FGF13: variants seen among roughly 807,000 people sequenced by gnomAD.
FGF13 encodes the protein fibroblast growth factor 13.
A neutral mutation model predicts 19.5 loss-of-function variants in FGF13; 2 were observed. That is an observed-to-expected ratio of 0.10 (90% CI 0.04 to 0.32). The LOEUF is 0.32. FGF13 is among the 10% of genes least tolerant of loss of function. The probability of loss-of-function intolerance (pLI) is 1.00; values close to 1 mark genes in which losing one functional copy is unlikely to be tolerated. For missense variants in FGF13, 113 were observed against 192.7 expected, an observed-to-expected ratio of 0.59 and a Z score of 2.45; for synonymous variants, 72 against 76.9, an observed-to-expected ratio of 0.94 and a Z score of 0.33.
At chrX:139,167,996 A>G (rs1286020835) in intron 1 of FGF13, among the ~76,000 whole-genome samples, 1 of 112,185 alleles carries the variant, frequency 8.9e-6, no homozygotes, top group Non-Finnish European at 1.9e-5. Flanking sequence ...CAAATATAAG[A>G]CTCTGGAGTT....
intron 1 of FGF13, among the ~76,000 whole-genome samples, chrX:138,721,761 T>TG (rs1053020009): frequency 9.1e-5 from 10 of 110,334 alleles, no homozygotes; most frequent in African/African-American, 3.3e-4. Flanking sequence ...TAATATTTTA[T>TG]GAATGGCATA....
intron 1 of FGF13, among the ~76,000 whole-genome samples, chrX:138,963,227 A>C (rs2091882080): frequency 8.8e-6 from 1 of 113,221 alleles, no homozygotes; most frequent in African/African-American, 3.2e-5. Context: ...ACTCCTGGCA[A>C]GACCCTCTGA....
chrX:138,683,258 G>A (rs2089746522), intron 3 of FGF13, among the ~76,000 whole-genome samples: 1 of 111,019 alleles, frequency 9.0e-6, no homozygotes, highest in Non-Finnish European at 1.9e-5. Context: ...TAAGATCAAT[G>A]ATTCCAAGTT....
intron 1 of FGF13, among the ~76,000 whole-genome samples, chrX:139,085,530 G>A (rs1445833569): frequency 8.9e-6 from 1 of 112,151 alleles, no homozygotes; most frequent in Non-Finnish European, 1.9e-5. Flanking sequence ...GCCACCCAAA[G>A]TGTGTTTGCA....
At chrX:139,115,085 G>C (rs184783627) in intron 1 of FGF13, among the ~76,000 whole-genome samples, 119 of 111,614 alleles carry the variant, frequency 1.1e-3, no homozygotes, top group Non-Finnish European at 1.8e-3. Flanking sequence ...ATGTCAACCT[G>C]AAAACTCAAC....
chrX:138,738,886 T>G (rs1158633452), intron 1 of FGF13, among the ~76,000 whole-genome samples: 1 of 112,057 alleles, frequency 8.9e-6, no homozygotes, highest in East Asian at 2.8e-4. Flanking sequence ...GCTGTATGCA[T>G]AGAATAAATG....
At chrX:139,204,162 G>A (rs1186897505), upstream of FGF13, 16 of 1,121,122 alleles carry the variant, frequency 1.4e-5, no homozygotes, top group South Asian at 3.7e-5. Context: ...CTCGCCGAGC[G>A]GGTCGGACTT....
chrX:138,659,906 T>C (rs58825903), intron 3 of FGF13, among the ~76,000 whole-genome samples: 4,042 of 109,972 alleles, frequency 0.037, 152 homozygotes, highest in African/African-American at 0.12. Context: ...TGGGGCCTGT[T>C]GGCAGGTGGG....
chrX:139,161,248 C>CATG (rs1455939366), intron 1 of FGF13, among the ~76,000 whole-genome samples: 4 of 110,808 alleles, frequency 3.6e-5, no homozygotes, highest in Non-Finnish European at 5.7e-5. Flanking sequence ...ACAAAAACCA[C>CATG]ATTATCTCAA....
In FGF13 at chrX:138,784,329, T is replaced by A. The variant is rs1420922260; in HGVS notation, c.217+73183A>T. ...TTAAAGTATAATAATAAAAAAAAAATTAAAAAAAAAAAAAAAGAAAAGGTG... is the reference window on the plus strand; with the variant it reads ...TTAAAGTATAATAATAAAAAAAAAAATAAAAAAAAAAAAAAAGAAAAGGTG... On this transcript the variant is annotated intron_variant, in intron 3 of 6. Transcript: ENST00000436198. Among the ~76,000 whole-genome samples, 5 of 102,135 alleles carry A rather than the reference T, an allele frequency of 4.9e-5. No individual in the cohort carries two copies. In the East Asian group the frequency reaches 9.2e-4, roughly 19 times the overall value. The allele number at this position is 102,135 out of a possible 115,157, so 88.7% of individuals were successfully genotyped here.
At chrX:138,842,131 G>A (rs748445995) in intron 3 of FGF13, among the ~76,000 whole-genome samples, 2 of 112,273 alleles carry the variant, frequency 1.8e-5, no homozygotes, top group Admixed American at 9.5e-5. Context: ...TAAAAGGACA[G>A]CAATGAAAAG....
chrX:138,790,047 AAAAAAAAAAAAAAAAAAAAAAAAC>A (rs1344870157), intron 3 of FGF13, among the ~76,000 whole-genome samples: 2 of 49,383 alleles, frequency 4.0e-5, no homozygotes, highest in Non-Finnish European at 3.8e-5. Context: ...TCCATTCAAA[AAAAAAAAAAAAAAAAAAAAAAAAC>A]AAACACACAC....
At chrX:138,681,977 G>GA (rs754955651) in intron 3 of FGF13, among the ~76,000 whole-genome samples, 1 of 112,125 alleles carries the variant, frequency 8.9e-6, no homozygotes, top group Admixed American at 9.4e-5. Flanking sequence ...CAACAATAAT[G>GA]AAAAAATGTG....
intron 3 of FGF13, among the ~76,000 whole-genome samples, chrX:138,801,284 G>C (rs1439279423): frequency 1.8e-5 from 2 of 112,012 alleles, no homozygotes; most frequent in African/African-American, 6.5e-5. Context: ...CGTCCTTTTT[G>C]TTGATGTTGA....
At chrX:138,656,272 C>T (rs745848198) in intron 3 of FGF13, among the ~76,000 whole-genome samples, 5 of 111,678 alleles carry the variant, frequency 4.5e-5, no homozygotes, top group Non-Finnish European at 9.4e-5. Flanking sequence ...CTAAGGGCCA[C>T]TAGAGAGGCT....
chrX:139,105,344 A>T (rs2083552217), intron 1 of FGF13, among the ~76,000 whole-genome samples: 1 of 110,376 alleles, frequency 9.1e-6, no homozygotes, highest in African/African-American at 3.3e-5. Context: ...AACTCAGGGA[A>T]TTTTTTTTTC....
At chrX:139,015,925 T>A (rs1159040766) in intron 1 of FGF13, among the ~76,000 whole-genome samples, 1 of 111,482 alleles carries the variant, frequency 9.0e-6, no homozygotes, top group African/African-American at 3.3e-5. Context: ...GCGAACTCAT[T>A]TTTGACCAAA....
chrX:139,017,624 C>T (rs2092159893), intron 1 of FGF13, among the ~76,000 whole-genome samples: 1 of 110,513 alleles, frequency 9.0e-6, no homozygotes, highest in Admixed American at 9.7e-5. Flanking sequence ...ACCAACTGGA[C>T]GTATTCACTC....
intron 1 of FGF13, among the ~76,000 whole-genome samples, chrX:138,994,852 C>T (rs2092034364): frequency 9.0e-6 from 1 of 110,733 alleles, no homozygotes; most frequent in Non-Finnish European, 1.9e-5. Flanking sequence ...TTTATCTATG[C>T]CAATAAATAT....
Sources: gnomAD v4.1 joint callset for allele counts (sites outside exome capture counted in the v4.1 genomes callset) on GRCh38, gnomAD v4.1.1 for gene constraint, MANE v1.5 for transcripts, NCBI Gene and HGNC (gene_info 2026-07-23, HGNC 2026-07-21) for gene names.